The following CACNA1D variants were observed in gnomAD, a reference collection of about 807,000 sequenced individuals.
CACNA1D encodes voltage-dependent L-type calcium channel subunit alpha-1D.
Under a neutral mutation model 257.1 loss-of-function variants are expected in CACNA1D, and 55 were observed. The observed-to-expected ratio is 0.21, with a 90% confidence interval of 0.17 to 0.27. The LOEUF is 0.27. Among genes scored for constraint, CACNA1D ranks in the 10% least tolerant of loss-of-function variants. The pLI is 1.00. For synonymous variants in CACNA1D, 980 were observed against 1,014.9 expected (o/e 0.97, Z 0.65); for missense variants, 1,876 against 2,784.0 (o/e 0.67, Z 7.34).
At chr3:53,725,426 A>G (rs939005922) in intron 14 of CACNA1D, among the ~76,000 whole-genome samples, 5 of 152,228 alleles carry the variant, frequency 3.3e-5, no homozygotes, top group African/African-American at 1.2e-4. Context: ...CTGAACACGC[A>G]TCAGAGGGCA....
At chr3:53,616,523 C>T (rs1362261783) in intron 3 of CACNA1D, among the ~76,000 whole-genome samples, 5 of 152,212 alleles carry the variant, frequency 3.3e-5, no homozygotes, top group South Asian at 2.1e-4. Flanking sequence ...CCAGACTTAA[C>T]GAGGAGACAA....
rs2108786457 is a variant in CACNA1D at position 53,735,375 on chromosome 3, A to G, written c.2623A>G (p.Ile875Val). The part of the protein sequence containing the change: ...AFFILSKTNP[I>V]RVGCHKLINH... The stretch of plus-strand genomic sequence containing the variant: ...CCAAGCAGCGGCTTTTCCCTGCAGG[A>G]TCCGCGTAGGCTGCCACAAGCTCAT... The change falls in exon 20 of 48, where the codon ATC (isoleucine) becomes GTC (valine). Residue 875 changes from isoleucine to valine, a missense_variant and splice_region_variant. By Grantham distance (29) the Ile-to-Val change is conservative. Coordinates refer to ENST00000350061, the MANE Select transcript of CACNA1D (RefSeq NM_001128840.3). 3 of 1,614,058 alleles carry G rather than the reference A, an allele frequency of 1.9e-6. No individual in the cohort carries two copies. Among genetic ancestry groups the G allele is most frequent in the Non-Finnish European group, 2.5e-6 (3 of 1,179,924 alleles).
At position 53,494,659 on chromosome 3, in the gene CACNA1D, C is replaced by T. The variant is rs1021415625; in HGVS notation, c.-508C>T. The T allele has an allele frequency of 2.7e-5, 4 of 145,724 alleles. No homozygotes were observed. Among genetic ancestry groups the T allele is most frequent in the African/African-American group, 9.9e-5 (4 of 40,512 alleles). The allele number at this position is 145,724 out of a possible 1,614,324, so 9.0% of individuals were successfully genotyped here. A position where few individuals can be genotyped will look rare whatever the true frequency, so the allele number is the denominator to read the frequency against. On this transcript the variant is annotated 5_prime_UTR_variant, in exon 1 of 48. Coordinates refer to ENST00000350061, the MANE Select transcript of CACNA1D (RefSeq NM_001128840.3). Reference sequence around the variant, plus strand: ...GGCGGGCGCGGAGCGAGCGGGCGGGCGAGCGCCTCCGTCCCCGGATGTGAG... The same window carrying T: ...GGCGGGCGCGGAGCGAGCGGGCGGGTGAGCGCCTCCGTCCCCGGATGTGAG...
intron 8 of CACNA1D, among the ~76,000 whole-genome samples, chr3:53,697,702 A>G (rs953041362): frequency 6.6e-6 from 1 of 152,216 alleles, no homozygotes; most frequent in Non-Finnish European, 1.5e-5. Flanking sequence ...ATCTATCCAT[A>G]AGACATGTGG....
Position 53,644,029 on chromosome 3 carries a change from G to A in CACNA1D, c.484-6750G>A, listed in dbSNP as rs1043272463. Among the ~76,000 whole-genome samples, 10 of 152,190 alleles carry A rather than the reference G, an allele frequency of 6.6e-5. No homozygotes were observed. The East Asian group carries it at 1.9e-3, about 29-fold the overall frequency. On this transcript the variant is annotated intron_variant, in intron 3 of 47. Transcript: ENST00000350061. Reference sequence around the variant, plus strand: ...TGGGAAGGGACATTTAATAATAGTTGGTCAAAACCTCTCATTTTGCCCATT... The same window carrying A: ...TGGGAAGGGACATTTAATAATAGTTAGTCAAAACCTCTCATTTTGCCCATT...
At chr3:53,753,788 C>T (rs1416629320) in intron 29 of CACNA1D, 106 bp downstream of exon 29, 4 of 752,806 alleles carry the variant, frequency 5.3e-6, no homozygotes, top group East Asian at 5.2e-5. Context: ...GTGTTCTGGC[C>T]GCTAACTGGG....
chr3:53,708,801 G>A (rs79370913), intron 9 of CACNA1D, among the ~76,000 whole-genome samples: 4,504 of 152,298 alleles, frequency 0.03, 77 homozygotes, highest in East Asian at 0.055. Flanking sequence ...AAGAGAGGCA[G>A]ACTTAGAAGT....
rs1425970793 is a variant in CACNA1D, at chr3:53,689,196, G to A, written c.1221-13445G>A. 2.0e-5 allele frequency among the ~76,000 whole-genome samples: 3 copies of A among 152,104 alleles called. No homozygotes were observed. In the East Asian group the frequency reaches 5.8e-4, roughly 29 times the overall value. The stretch of plus-strand genomic sequence containing the variant: ...AGGATTCGTTAGGATGGTAAAGAAA[G>A]GAAGCAAGTTGTCAGGAGAGTGGGA... On this transcript the variant is annotated intron_variant, in intron 8 of 47. Coordinates refer to ENST00000350061, the MANE Select transcript of CACNA1D (RefSeq NM_001128840.3).
intron 3 of CACNA1D, among the ~76,000 whole-genome samples, chr3:53,626,003 T>C (rs12493744): frequency 0.35 from 53,238 of 152,080 alleles, 10,381 homozygotes; most frequent in South Asian, 0.5. Flanking sequence ...AGGAGAGTCT[T>C]ATCTGTAGGT....
chr3:53,501,567 A>G lies in CACNA1D; in HGVS notation c.378-48A>G, dbSNP rs778977779. On this transcript the variant is annotated intron_variant, in intron 2 of 47. Coordinates refer to ENST00000350061, the MANE Select transcript of CACNA1D (RefSeq NM_001128840.3). The stretch of plus-strand genomic sequence containing the variant: ...TGTGATCGGGAGTGTGATGAGGGAC[A>G]TGGTTTATGTTTCCATAACACATAT... 27 of 962,974 alleles carry G rather than the reference A, an allele frequency of 2.8e-5. No homozygotes were observed. The East Asian group carries it at 5.0e-4, about 18-fold the overall frequency. 59.7% of individuals were successfully genotyped at this position (962,974 alleles called of 1,614,324 possible). A position where few individuals can be genotyped will look rare whatever the true frequency, so the allele number is the denominator to read the frequency against.
intron 3 of CACNA1D, among the ~76,000 whole-genome samples, chr3:53,575,320 G>A (rs560330111): frequency 1.3e-5 from 2 of 152,310 alleles, no homozygotes; most frequent in South Asian, 4.1e-4. Context: ...CCAACCTGAA[G>A]GTGTGGAGAT....
intron 8 of CACNA1D, among the ~76,000 whole-genome samples, chr3:53,689,675 A>G (rs1343012013): frequency 6.6e-6 from 1 of 152,052 alleles, no homozygotes; most frequent in Non-Finnish European, 1.5e-5. Context: ...AATATTTTTT[A>G]TAGAGACAGG....
intron 3 of CACNA1D, among the ~76,000 whole-genome samples, chr3:53,566,069 C>T (rs2092829526): frequency 6.6e-6 from 1 of 152,096 alleles, no homozygotes; most frequent in Non-Finnish European, 1.5e-5. Flanking sequence ...ATCTGGGTGG[C>T]CAAAGTGAAG....
intron 7 of CACNA1D, among the ~76,000 whole-genome samples, chr3:53,670,748 T>C (rs2094314986): frequency 6.6e-6 from 1 of 152,194 alleles, no homozygotes; most frequent in Non-Finnish European, 1.5e-5. Context: ...TTTTTAAAAA[T>C]TAGTCTAAAT....
intron 11 of CACNA1D, 61 bp from the exon 12 acceptor site, chr3:53,722,253 T>C (rs772961433): frequency 7.6e-6 from 12 of 1,587,898 alleles, no homozygotes; most frequent in African/African-American, 1.3e-5. Context: ...CTCAATCATA[T>C]TTATTGGATA....
chr3:53,598,588 G>GAA (rs5848998), intron 3 of CACNA1D, among the ~76,000 whole-genome samples: 2,537 of 116,374 alleles, frequency 0.022, 91 homozygotes, highest in African/African-American at 0.074. Context: ...CTCATCTCCA[G>GAA]AAAAAAAAAA....
chr3:53,684,621 C>CAA (rs60026644), intron 8 of CACNA1D, among the ~76,000 whole-genome samples: 5,124 of 83,356 alleles, frequency 0.061, 284 homozygotes, highest in East Asian at 0.16. Context: ...GAAACTCTGT[C>CAA]AAAAAAAAAA....
Position 53,810,239 on chromosome 3 carries a change from A to G in CACNA1D, c.6133A>G (p.Ser2045Gly), listed in dbSNP as rs759308735. ...CACACCAGCCAGCCTGACTGTCCCC[A>G]GCAGCTTCCGGAACAAAAACAGCGA... is the stretch of plus-strand genomic sequence containing the variant. ...TFTPASLTVP[S>G]SFRNKNSDKQ... is the part of the protein sequence containing the mutation. Residue 2045 changes from serine (S) to glycine (G), a missense_variant, in exon 47 of 48, where the codon AGC (serine) becomes GGC (glycine). Transcript: ENST00000350061. The G allele has an allele frequency of 1.2e-6, 2 of 1,613,854 alleles. No homozygotes were observed. Among genetic ancestry groups the G allele is most frequent in the Non-Finnish European group, 1.7e-6 (2 of 1,180,044 alleles).
chr3:53,622,661 C>G (rs534176382), intron 3 of CACNA1D, among the ~76,000 whole-genome samples: 1 of 152,172 alleles, frequency 6.6e-6, no homozygotes, highest in African/African-American at 2.4e-5. Context: ...GGAAAAACAA[C>G]TAATGTGTAC....
Sources: gnomAD v4.1 joint callset for allele counts (sites outside exome capture counted in the v4.1 genomes callset) on GRCh38, gnomAD v4.1.1 for gene constraint, MANE v1.5 for transcripts, NCBI Gene and HGNC (gene_info 2026-07-23, HGNC 2026-07-21) for gene names.